LCMT1: variants seen among roughly 807,000 people sequenced by gnomAD.
LCMT1 encodes [Phosphatase 2A protein]-leucine-carboxy methyltransferase 1.
LCMT1 carries 32 observed loss-of-function variants against 47.7 expected under a neutral mutation model. That is an observed-to-expected ratio of 0.67 (90% CI 0.51 to 0.90). The LOEUF is 0.90. Ranked by LOEUF, LCMT1 falls within the 40% of genes least tolerant of loss-of-function variation. The pLI is 0.00. For missense variants in LCMT1, 375 were observed against 415.2 expected (o/e 0.90, Z 0.84); for synonymous variants, 152 against 149.7 (o/e 1.02, Z -0.11).
chr16:25,149,910 C>CAAAAA (rs34229848), intron 4 of LCMT1, among the ~76,000 whole-genome samples: 1 of 60,198 alleles, frequency 1.7e-5, no homozygotes, highest in Admixed American at 1.9e-4. Flanking sequence ...AAGACTGTCT[C>CAAAAA]AAAAAAAAAA....
rs750872217 is a variant in LCMT1 at position 25,164,577 on chromosome 16, CT to C, written c.570-14del. On this transcript the variant is annotated intron_variant, in intron 6 of 10. Transcript: ENST00000399069. The stretch of plus-strand genomic sequence containing the variant: ...ACTTGATGATAACAAATTTATGTGC[CT>C]TTTTTTCCTTATCTTTAAGATTGCC... The C allele has an allele frequency of 6.2e-7, 1 of 1,613,622 alleles. No homozygotes were observed. The highest frequency in any genetic ancestry group is 8.5e-7 in the Non-Finnish European group (1 of 1,179,666).
chr16:25,137,144 C>T lies in LCMT1; in HGVS notation c.328-3027C>T, dbSNP rs974994950. Among the ~76,000 whole-genome samples the T allele has an allele frequency of 5.9e-5, 9 of 152,176 alleles. No homozygotes were observed. The East Asian group carries it at 1.7e-3, about 29-fold the overall frequency. ...ATATCCCCCTACCCATACCAATTCT[C>T]CTGCCTCAGCCTCCCGAGTAGCTGG... On this transcript the variant is annotated intron_variant, in intron 3 of 10. Coordinates refer to ENST00000399069, the MANE Select transcript of LCMT1 (RefSeq NM_016309.3).
chr16:25,157,656 G>T (rs1188206878), intron 5 of LCMT1, among the ~76,000 whole-genome samples: 3 of 152,218 alleles, frequency 2.0e-5, no homozygotes, highest in Non-Finnish European at 1.5e-5. Context: ...GTAACAAACT[G>T]CTGCAAAGCA....
At chr16:25,139,437 G>A (rs1960609354) in intron 3 of LCMT1, among the ~76,000 whole-genome samples, 1 of 151,950 alleles carries the variant, frequency 6.6e-6, no homozygotes, top group Non-Finnish European at 1.5e-5. Flanking sequence ...TTGAACCCGG[G>A]AGGCAGAGGT....
chr16:25,159,769 AG>A (rs1961365416), intron 5 of LCMT1, among the ~76,000 whole-genome samples: 1 of 152,074 alleles, frequency 6.6e-6, no homozygotes, highest in South Asian at 2.1e-4. Flanking sequence ...TACATGTTAT[AG>A]GTTAGCCTTT....
Position 25,111,780 on chromosome 16 carries a change from C to G in LCMT1, c.-104C>G. 1.3e-6 allele frequency: 1 copy of G among 777,788 alleles called. No homozygotes were observed. The highest frequency in any genetic ancestry group is 2.2e-6 in the Non-Finnish European group (1 of 451,922). 48.2% of individuals were successfully genotyped at this position (777,788 alleles called of 1,614,324 possible). A position where few individuals can be genotyped will look rare whatever the true frequency, so the allele number is the denominator to read the frequency against. ...GCCAGCTGAGCCAGGTAGGGCCCTA[C>G]CCTCTTCTGTTGCTTTCTCCCTGTG... On this transcript the variant is annotated 5_prime_UTR_variant, in exon 1 of 11. Coordinates refer to ENST00000399069, the MANE Select transcript of LCMT1 (RefSeq NM_016309.3).
chr16:25,113,940 C>A (rs925334699), intron 1 of LCMT1, among the ~76,000 whole-genome samples: 1 of 152,200 alleles, frequency 6.6e-6, no homozygotes, highest in Non-Finnish European at 1.5e-5. Context: ...CCAGCCTAGT[C>A]TTTTCATTTT....
intron 1 of LCMT1, among the ~76,000 whole-genome samples, chr16:25,127,909 G>A (rs1960235121): frequency 6.6e-6 from 1 of 152,170 alleles, no homozygotes; most frequent in South Asian, 2.1e-4. Flanking sequence ...AGAGAATTAA[G>A]GCTACTGTGG....
At chr16:25,151,907 G>C (rs1961093837) in intron 5 of LCMT1, among the ~76,000 whole-genome samples, 1 of 149,742 alleles carries the variant, frequency 6.7e-6, no homozygotes, top group Non-Finnish European at 1.5e-5. Context: ...AGGAATTTAT[G>C]CTCAGCCAGG....
chr16:25,113,097 C>T (rs1263026588), intron 1 of LCMT1, among the ~76,000 whole-genome samples: 2 of 138,870 alleles, frequency 1.4e-5, no homozygotes, highest in Admixed American at 7.9e-5. Context: ...GCCAAGATCA[C>T]GCTATTGCAC....
chr16:25,169,346 A>G lies in LCMT1; in HGVS notation c.792+133A>G. On this transcript the variant is annotated intron_variant, in intron 8 of 10. Transcript: ENST00000399069. ...CAGCAGCACAGGCTGCTGAGCCTCC[A>G]TGTGGGCCGCTAGTTCATGATGCTG... The G allele has an allele frequency of 6.5e-6, 4 of 615,254 alleles. No individual in the cohort carries two copies. The South Asian group carries it at 7.6e-5, about 12-fold the overall frequency. 38.1% of individuals were successfully genotyped at this position (615,254 alleles called of 1,614,324 possible). A position where few individuals can be genotyped will look rare whatever the true frequency, so the allele number is the denominator to read the frequency against.
chr16:25,156,026 A>G (rs1961247453), intron 5 of LCMT1, among the ~76,000 whole-genome samples: 1 of 152,166 alleles, frequency 6.6e-6, no homozygotes, highest in Non-Finnish European at 1.5e-5. Flanking sequence ...CCACACAGAT[A>G]TCTTACTGTT....
intron 2 of LCMT1, among the ~76,000 whole-genome samples, chr16:25,130,190 A>T (rs570667819): frequency 1.6e-3 from 244 of 151,898 alleles, no homozygotes; most frequent in Non-Finnish European, 3.1e-3. Context: ...AATACAGAAA[A>T]TTAGCCGGGT....
chr16:25,146,059 G>C (rs185672204), intron 4 of LCMT1: 1 of 152,148 alleles, frequency 6.6e-6, no homozygotes, highest in Non-Finnish European at 1.5e-5. Context: ...AGGACATTCC[G>C]GGGGGCATAC....
In LCMT1 at chr16:25,151,023, A is replaced by G. The variant is rs73563499; in HGVS notation, c.405-531A>G. On this transcript the variant is annotated intron_variant, in intron 4 of 10. Transcript: ENST00000399069. ...GGGACAGAAAGTGTGTTGGTGTTTG[A>G]TTATGGTTGTTGGGATATTGACGCG... 8.8e-3 allele frequency among the ~76,000 whole-genome samples: 1,337 copies of G among 152,186 alleles called. 19 individuals carry two copies. Among genetic ancestry groups the G allele is most frequent in the African/African-American group, 0.031 (1,274 of 41,510 alleles).
chr16:25,127,025 G>A (rs886857670), intron 1 of LCMT1, among the ~76,000 whole-genome samples: 2 of 151,974 alleles, frequency 1.3e-5, no homozygotes, highest in African/African-American at 2.4e-5. Flanking sequence ...CAACCACACA[G>A]AGGAAATACA....
At chr16:25,127,505 T>C (rs540248883) in intron 1 of LCMT1, among the ~76,000 whole-genome samples, 5 of 152,274 alleles carry the variant, frequency 3.3e-5, no homozygotes, top group African/African-American at 1.2e-4. Flanking sequence ...CAACACTTAT[T>C]GTAGTCAGGC....
chr16:25,171,729 A>G (rs151309811), intron 9 of LCMT1, among the ~76,000 whole-genome samples: 79 of 152,294 alleles, frequency 5.2e-4, no homozygotes, highest in East Asian at 1.9e-3. Flanking sequence ...AAGGAAATCT[A>G]TGCTTCTTGT....
intron 2 of LCMT1, among the ~76,000 whole-genome samples, chr16:25,129,484 C>A (rs1236114107): frequency 6.6e-6 from 1 of 152,164 alleles, no homozygotes; most frequent in Admixed American, 6.5e-5. Flanking sequence ...GGATCATTTT[C>A]ATGTGTTTGA....
Sources: gnomAD v4.1 joint callset for allele counts (sites outside exome capture counted in the v4.1 genomes callset) on GRCh38, gnomAD v4.1.1 for gene constraint, MANE v1.5 for transcripts, NCBI Gene and HGNC (gene_info 2026-07-23, HGNC 2026-07-21) for gene names.